Variants in TP63 observed in about 807,000 individuals in gnomAD.
TP63 encodes tumor protein 63.
TP63 carries 17 observed loss-of-function variants against 82.8 expected under a neutral mutation model. The ratio of observed to expected loss-of-function variants is 0.21; its 90% confidence interval spans 0.14 to 0.31. The LOEUF (loss-of-function observed/expected upper bound fraction) is 0.31. Ranked by LOEUF, TP63 falls within the 10% of genes least tolerant of loss-of-function variation. The probability of loss-of-function intolerance (pLI) is 1.00; values close to 1 mark genes in which losing one functional copy is unlikely to be tolerated. For synonymous variants in TP63, 330 were observed against 321.7 expected (o/e 1.03, Z -0.28); for missense variants, 648 against 895.3 (o/e 0.72, Z 3.52).
intron 4 of TP63, among the ~76,000 whole-genome samples, chr3:189,808,937 A>G (rs184184062): frequency 2.6e-5 from 4 of 152,354 alleles, no homozygotes; most frequent in African/African-American, 9.6e-5. Flanking sequence ...GTGATTTTAA[A>G]AACTGAGTAA....
At chr3:189,623,507 T>TA in the TP63 span, among the ~76,000 whole-genome samples, 1 of 152,184 alleles carries the variant, frequency 6.6e-6, no homozygotes, top group Non-Finnish European at 1.5e-5. Context: ...TCTATGAAGT[T>TA]GAAGATGATA....
At chr3:189,809,339 G>A (rs1475123388) in intron 4 of TP63, among the ~76,000 whole-genome samples, 1 of 152,056 alleles carries the variant, frequency 6.6e-6, no homozygotes, top group East Asian at 1.9e-4. Flanking sequence ...CTTTTCTAAG[G>A]AAGCATGGAA....
At chr3:189,755,317 C>T (rs1722109121) in intron 3 of TP63, among the ~76,000 whole-genome samples, 1 of 151,978 alleles carries the variant, frequency 6.6e-6, no homozygotes, top group Non-Finnish European at 1.5e-5. Flanking sequence ...ATACATTTCT[C>T]ACATTATGAA....
intron 1 of TP63, among the ~76,000 whole-genome samples, chr3:189,686,270 T>C (rs1716430249): frequency 6.6e-6 from 1 of 152,148 alleles, no homozygotes. Flanking sequence ...ACAAAACTTA[T>C]ATTTTAGATT....
chr3:189,677,158 T>C (rs1715475514), intron 1 of TP63, among the ~76,000 whole-genome samples: 1 of 151,652 alleles, frequency 6.6e-6, no homozygotes, highest in South Asian at 2.1e-4. Flanking sequence ...AAACATAATT[T>C]CATTCTTTTT....
intron 1 of TP63, among the ~76,000 whole-genome samples, chr3:189,710,476 TA>T (rs1310033735): frequency 4.6e-5 from 7 of 151,206 alleles, no homozygotes; most frequent in Admixed American, 2.0e-4. Flanking sequence ...TTTATAATGT[TA>T]GCCAAATAGA....
At chr3:189,743,539 G>C (rs1256906737) in intron 3 of TP63, among the ~76,000 whole-genome samples, 1 of 151,320 alleles carries the variant, frequency 6.6e-6, no homozygotes, top group Non-Finnish European at 1.5e-5. Context: ...CACACACACA[G>C]AAATGAAGGC....
intron 1 of TP63, among the ~76,000 whole-genome samples, chr3:189,729,621 A>G (rs1720015304): frequency 6.6e-6 from 1 of 152,156 alleles, no homozygotes; most frequent in South Asian, 2.1e-4. Flanking sequence ...AATGAATTTT[A>G]TTTTTTGAAG....
At chr3:189,685,495 G>T (rs1049885022) in intron 1 of TP63, among the ~76,000 whole-genome samples, 2 of 152,036 alleles carry the variant, frequency 1.3e-5, no homozygotes, top group Admixed American at 6.6e-5. Flanking sequence ...GAAGCTTCCC[G>T]CAGCCAGCTT....
At chr3:189,673,932 A>G (rs9849964) in intron 1 of TP63, among the ~76,000 whole-genome samples, 50,277 of 152,066 alleles carry the variant, frequency 0.33, 9,124 homozygotes, top group Middle Eastern at 0.45. Flanking sequence ...TATTGTTATT[A>G]TGAATAATGC....
At chr3:189,677,331 T>TTTATATATATAAATATGTATAAATAA (rs1715500262) in intron 1 of TP63, among the ~76,000 whole-genome samples, 1 of 140,130 alleles carries the variant, frequency 7.1e-6, no homozygotes, top group South Asian at 2.2e-4. Context: ...CACACACATA[T>TTTATATATATAAATATGTATAAATAA]TTATATATAT....
At chr3:189,720,881 A>G (rs1719340549) in intron 1 of TP63, among the ~76,000 whole-genome samples, 1 of 152,122 alleles carries the variant, frequency 6.6e-6, no homozygotes, top group Non-Finnish European at 1.5e-5. Context: ...AAACAAAGAG[A>G]AGGCTCCCAG....
rs550991181 is a variant in TP63, at chr3:189,864,325, A to T, written c.673A>T (p.Ile225Phe). 4.3e-6 allele frequency: 7 copies of T among 1,614,160 alleles called. No homozygotes were observed. The South Asian group carries it at 6.6e-5, about 15-fold the overall frequency. The change falls in exon 5 of 14, where the codon ATC becomes TTC. Residue 225 changes from isoleucine (I) to phenylalanine (F), a missense_variant. Ile to Phe is a conservative substitution (Grantham distance 21). This residue lies in a region of TP63 where 64 missense variants were observed against 144.2 expected (regional missense o/e 0.44). Transcript: ENST00000264731. Reference sequence around the variant, plus strand: ...GACCCCACCTCCTCAGGGAGCTGTTATCCGCGCCATGCCTGTCTACAAAAA... The same window carrying T: ...GACCCCACCTCCTCAGGGAGCTGTTTTCCGCGCCATGCCTGTCTACAAAAA... Reference protein sequence around the residue: ...VMTPPPQGAVIRAMPVYKKAE... With the variant: ...VMTPPPQGAVFRAMPVYKKAE...
At chr3:189,600,088 T>C in the TP63 span, among the ~76,000 whole-genome samples, 2 of 152,160 alleles carry the variant, frequency 1.3e-5, no homozygotes, top group African/African-American at 4.8e-5. Context: ...TCAAAGATCT[T>C]GTCTGATAAT....
chr3:189,778,036 A>G (rs547045996), intron 3 of TP63, among the ~76,000 whole-genome samples: 14 of 151,868 alleles, frequency 9.2e-5, no homozygotes, highest in African/African-American at 3.4e-4. Flanking sequence ...CTGTATTTCC[A>G]GTAGAGGCAG....
intron 3 of TP63, among the ~76,000 whole-genome samples, chr3:189,755,378 A>C (rs1471357303): frequency 6.6e-6 from 1 of 152,158 alleles, no homozygotes; most frequent in Non-Finnish European, 1.5e-5. Context: ...ATAAATCCCA[A>C]ACCAGTGATA....
chr3:189,738,250 G>A (rs561641743), intron 2 of TP63, among the ~76,000 whole-genome samples: 109 of 152,254 alleles, frequency 7.2e-4, no homozygotes, highest in East Asian at 3.9e-3. Flanking sequence ...GCTGTGAAAC[G>A]TATTATTATT....
At chr3:189,806,594 C>A (rs777276481) in intron 3 of TP63, among the ~76,000 whole-genome samples, 1 of 152,144 alleles carries the variant, frequency 6.6e-6, no homozygotes, top group Non-Finnish European at 1.5e-5. Flanking sequence ...GTCTTACCTG[C>A]AGTTTGGCCA....
At chr3:189,734,003 A>C (rs1260070040) in intron 1 of TP63, among the ~76,000 whole-genome samples, 2 of 151,846 alleles carry the variant, frequency 1.3e-5, no homozygotes, top group Non-Finnish European at 1.5e-5. Context: ...TTTTGACCTC[A>C]TAGAGACATA....
Sources: allele counts gnomAD v4.1 joint callset (sites outside exome capture counted in the v4.1 genomes callset), GRCh38; gene constraint gnomAD v4.1.1; regional missense constraint gnomAD v4.1.1; transcripts MANE v1.5; gene names NCBI Gene and HGNC (gene_info 2026-07-23, HGNC 2026-07-21).